AMPD2: variants seen among roughly 807,000 people sequenced by gnomAD.
The protein encoded by AMPD2 is adenosine monophosphate deaminase 2.
AMPD2 carries 52 observed loss-of-function variants against 91.3 expected under a neutral mutation model. That is an observed-to-expected ratio of 0.57 (90% CI 0.46 to 0.72). AMPD2 has a LOEUF of 0.72. Among genes scored for constraint, AMPD2 ranks in the 30% least tolerant of loss-of-function variants. The pLI is 0.00. For missense variants in AMPD2, 822 were observed against 1,122.3 expected (o/e 0.73, Z 3.82); for synonymous variants, 455 against 456.4 (o/e 1.00, Z 0.04).
chr1:109,630,910 T>A (rs764908638), intron 18 of AMPD2, 33 bp from the exon 19 acceptor site: 106 of 1,611,868 alleles, frequency 6.6e-5, no homozygotes, highest in Non-Finnish European at 8.5e-5. Flanking sequence ...CAGCACTGGC[T>A]GCAGCCCTGC....
At position 109,627,858 on chromosome 1, in the gene AMPD2, C is replaced by T. The variant is rs574448906; in HGVS notation, c.1035C>T (p.Ala345=). 46 of 1,614,042 alleles carry T rather than the reference C, an allele frequency of 2.8e-5. 1 individual carries two copies. The highest frequency in any genetic ancestry group is 1.6e-4 in the Middle Eastern group (1 of 6,062). The part of the protein sequence containing the change: ...HVLLNEMKEL[A]AQKKVPHRDF... ...TACTCAATGAGATGAAGGAGCTGGC[C>T]GCCCAGAAGAAAGTGCCACACCGAG... is the stretch of plus-strand genomic sequence containing the variant. The change falls in exon 10 of 19, where the codon GCC becomes GCT. Residue 345 remains alanine (A), a synonymous_variant. Coordinates refer to ENST00000528667, the MANE Select transcript of AMPD2 (RefSeq NM_001368809.2).
At chr1:109,630,848 A>G in intron 18 of AMPD2, 55 bp downstream of exon 18, 1 of 1,594,288 alleles carries the variant, frequency 6.3e-7, no homozygotes, top group Middle Eastern at 1.7e-4. Context: ...CCTCCTCTGC[A>G]TTTGGGGTCC....
chr1:109,627,573 G>T, intron 9 of AMPD2, 55 bp downstream of exon 9: 2 of 1,601,942 alleles, frequency 1.2e-6, no homozygotes, highest in Non-Finnish European at 1.7e-6. Context: ...AGATTCTCCA[G>T]CCCCAGTTCT....
At position 109,625,699 on chromosome 1, in the gene AMPD2, G is replaced by T; in HGVS notation, c.260G>T (p.Arg87Leu). The change falls in exon 4 of 19, where the codon CGT (arginine) becomes CTT (leucine). Residue 87 changes from arginine (R) to leucine (L), a missense_variant. Arg to Leu is a moderately radical substitution (Grantham distance 102, BLOSUM62 -2). This residue lies in a region of AMPD2 where 105 missense variants were observed against 125.0 expected (regional missense o/e 0.84). Coordinates refer to ENST00000528667, the MANE Select transcript of AMPD2 (RefSeq NM_001368809.2). This position sits in a 1 kb window ranked among gnomAD's most constrained non-coding sequence, Gnocchi z 4.0. ...FTRSLAESEL[R>L]SAPYEFPEES... ...CGCTCACTGGCTGAGAGCGAGCTCC[G>T]TAGTGCCCCGTATGAGTTCCCCGAG... is the stretch of plus-strand genomic sequence containing the variant. 1 of 1,614,138 alleles carries T rather than the reference G, an allele frequency of 6.2e-7. No homozygotes were observed. Among genetic ancestry groups the T allele is most frequent in the Non-Finnish European group, 8.5e-7 (1 of 1,180,008 alleles).
rs201481163 is a variant in AMPD2, at chr1:109,625,809, G to C, written c.353+17G>C. 1.2e-6 allele frequency: 2 copies of C among 1,613,852 alleles called. No homozygotes were observed. Among genetic ancestry groups the C allele is most frequent in the Non-Finnish European group, 1.7e-6 (2 of 1,179,964 alleles). ...GGATGTCAAGTGAGCCCGGCAGGCA[G>C]CTGCTTAGTCTCCCTCCATACCCTT... On this transcript the variant is annotated intron_variant, in intron 4 of 18. Transcript: ENST00000528667. The surrounding 1 kb of genome is among the most constrained non-coding windows in gnomAD (Gnocchi z 4.0).
At position 109,621,052 on chromosome 1, in the gene AMPD2, C is replaced by A. The variant is rs1182676836; in HGVS notation, c.-124C>A. 1 of 1,605,740 alleles carries A rather than the reference C, an allele frequency of 6.2e-7. No individual in the cohort carries two copies. The highest frequency in any genetic ancestry group is 2.2e-5 in the East Asian group (1 of 44,778). ...GCCAGGGCCTCTTCCGCCTGCGGAGCCGCTGCTTCCTGCATCAGTCACTCC... is the reference window on the plus strand; with the variant it reads ...GCCAGGGCCTCTTCCGCCTGCGGAGACGCTGCTTCCTGCATCAGTCACTCC... On this transcript the variant is annotated 5_prime_UTR_variant, in exon 2 of 19. Coordinates refer to ENST00000528667, the MANE Select transcript of AMPD2 (RefSeq NM_001368809.2).
chr1:109,630,583 T>A (rs948513382), intron 17 of AMPD2, 100 bp from the exon 18 acceptor site: 8 of 123,864 alleles, frequency 6.5e-5, no homozygotes, highest in Non-Finnish European at 8.5e-5. Context: ...GTTGGGGGGA[T>A]GGGGGGGCGG....
chr1:109,627,998 A>G, intron 10 of AMPD2, 85 bp from the exon 11 acceptor site: 2 of 1,599,602 alleles, frequency 1.3e-6, no homozygotes, highest in South Asian at 2.3e-5. Flanking sequence ...AGCATCCAGT[A>G]CAGAGGGTCC....
intron 2 of AMPD2, among the ~76,000 whole-genome samples, chr1:109,623,374 C>T (rs1375125663): frequency 1.3e-5 from 2 of 152,216 alleles, no homozygotes; most frequent in African/African-American, 4.8e-5. Context: ...TTCTCCCAAA[C>T]TTATTCTGGA....
chr1:109,630,758 C>A lies in AMPD2; in HGVS notation c.2233C>A (p.Arg745Ser). ...CTCCTGCGATATGTGTGAGCTGGCC[C>A]GCAACAGCGTGCTCATGAGCGGCTT... ...LSSCDMCELA[R>S]NSVLMSGFSH... is the part of the protein sequence containing the mutation. Residue 745 changes from arginine (R) to serine (S), a missense_variant, in exon 18 of 19, where the codon CGC (arginine) becomes AGC (serine). Around this residue, in one of 5 missense-constraint regions of AMPD2, gnomAD observed 430 missense variants for 606.0 expected, o/e 0.71. Transcript: ENST00000528667. 1 of 1,611,404 alleles carries A rather than the reference C, an allele frequency of 6.2e-7. No individual in the cohort carries two copies.
chr1:109,627,861 C>T lies in AMPD2; in HGVS notation c.1038C>T (p.Ala346=). The change falls in exon 10 of 19, where the codon GCC becomes GCT. Residue 346 remains alanine (A), a synonymous_variant. Coordinates refer to ENST00000528667, the MANE Select transcript of AMPD2 (RefSeq NM_001368809.2). ...TCAATGAGATGAAGGAGCTGGCCGC[C>T]CAGAAGAAAGTGCCACACCGAGATT... ...VLLNEMKELA[A]QKKVPHRDFY... is the part of the protein sequence containing the mutation. 6.2e-7 allele frequency: 1 copy of T among 1,613,820 alleles called. No individual in the cohort carries two copies. The highest frequency in any genetic ancestry group is 2.2e-5 in the East Asian group (1 of 44,868).
At chr1:109,630,872 G>C (rs1266528167) in intron 18 of AMPD2, 71 bp from the exon 19 acceptor site, 2 of 1,601,502 alleles carry the variant, frequency 1.2e-6, no homozygotes, top group South Asian at 2.2e-5. Flanking sequence ...CCTGTCCCTG[G>C]GATGGCTTGG....
chr1:109,620,644 G>T, intron 1 of AMPD2: 1 of 1,205,996 alleles, frequency 8.3e-7, no homozygotes. Flanking sequence ...GTCAGATGTG[G>T]AAGGAAAGTG....
chr1:109,623,045 C>T (rs968091312), intron 2 of AMPD2, among the ~76,000 whole-genome samples: 1 of 152,212 alleles, frequency 6.6e-6, no homozygotes, highest in African/African-American at 2.4e-5. Flanking sequence ...CTGCCCTTTA[C>T]TGGCCTATTG....
chr1:109,626,549 G>A (rs1045600856), intron 6 of AMPD2, 122 bp downstream of exon 6: 29 of 1,294,732 alleles, frequency 2.2e-5, no homozygotes, highest in South Asian at 8.6e-5. Flanking sequence ...CTGGAGGGGC[G>A]GAGGGGCAGA....
In AMPD2 at chr1:109,626,827, C is replaced by A; in HGVS notation, c.633C>A (p.Thr211=). The A allele has an allele frequency of 6.2e-7, 1 of 1,613,658 alleles. No homozygotes were observed. Among genetic ancestry groups the A allele is most frequent in the Non-Finnish European group, 8.5e-7 (1 of 1,179,874 alleles). Reference sequence around the variant, plus strand: ...TGTCCCTGCAGAGCTTCTGCCCCACCACCCGCCGCTACCTGCAGCAGCTGG... The same window carrying A: ...TGTCCCTGCAGAGCTTCTGCCCCACAACCCGCCGCTACCTGCAGCAGCTGG... ...MALSLQSFCP[T]TRRYLQQLAE... is the part of the protein sequence containing the mutation. Residue 211 remains threonine (T), a synonymous_variant, in exon 7 of 19, where the codon ACC becomes ACA. Coordinates refer to ENST00000528667, the MANE Select transcript of AMPD2 (RefSeq NM_001368809.2).
Position 109,629,378 on chromosome 1 carries a change from T to C in AMPD2, c.1750T>C (p.Phe584Leu), listed in dbSNP as rs763257527. ...DDESKPENHV[F>L]NLESPLPEAW... The stretch of plus-strand genomic sequence containing the variant: ...TGAGTCCAAGCCTGAAAACCATGTC[T>C]TCAACCTGGAGAGCCCCCTGCCTGA... Residue 584 changes from phenylalanine to leucine, a missense_variant, in exon 15 of 19, where the codon TTC becomes CTC. Physicochemically the swap from Phe to Leu is conservative, Grantham distance 22. Around this residue, in one of 5 missense-constraint regions of AMPD2, gnomAD observed 430 missense variants for 606.0 expected, o/e 0.71. Transcript: ENST00000528667. 6.8e-6 allele frequency: 11 copies of C among 1,614,172 alleles called. No individual in the cohort carries two copies. The Admixed American group carries it at 1.8e-4, about 27-fold the overall frequency.
Position 109,625,761 on chromosome 1 carries a change from C to A in AMPD2, c.322C>A (p.Arg108=). 6 of 1,614,020 alleles carry A rather than the reference C, an allele frequency of 3.7e-6. No individual in the cohort carries two copies. The highest frequency in any genetic ancestry group is 5.1e-6 in the Non-Finnish European group (6 of 1,180,022). The change falls in exon 4 of 19, where the codon CGG becomes AGG. Residue 108 remains arginine, a synonymous_variant. Coordinates refer to ENST00000528667, the MANE Select transcript of AMPD2 (RefSeq NM_001368809.2). The surrounding 1 kb of genome is among the most constrained non-coding windows in gnomAD (Gnocchi z 4.0). ...TGAACAGCTGGAGGAGCGGCGGCAG[C>A]GGCTGGAGCGGCAGATCAGCCAGGA... ...PIEQLEERRQ[R]LERQISQDVK...
At chr1:109,621,429 T>TGGGGGGGGG in intron 2 of AMPD2, 163 bp downstream of exon 2, 2 of 139,166 alleles carry the variant, frequency 1.4e-5, no homozygotes, top group Non-Finnish European at 2.9e-5. Flanking sequence ...GAAGGTGGGG[T>TGGGGGGGGG]GAGGGGTGGT....
Sources: allele counts gnomAD v4.1 joint callset (sites outside exome capture counted in the v4.1 genomes callset), GRCh38; gene constraint gnomAD v4.1.1; regional missense constraint gnomAD v4.1.1; non-coding constraint Gnocchi (gnomAD v3.1); transcripts MANE v1.5; gene names NCBI Gene and HGNC (gene_info 2026-07-23, HGNC 2026-07-21).